Variants in RALGPS1 observed in about 807,000 individuals in gnomAD.
RALGPS1 encodes Ral GEF with PH domain and SH3 binding motif 1.
RALGPS1 carries 19 observed loss-of-function variants against 78.8 expected under a neutral mutation model. The observed-to-expected ratio is 0.24, with a 90% CI of 0.17 to 0.35. The LOEUF is 0.35. Ranked by LOEUF, RALGPS1 falls within the 10% of genes least tolerant of loss-of-function variation. The probability of loss-of-function intolerance (pLI) is 1.00; values close to 1 mark genes in which losing one functional copy is unlikely to be tolerated. For synonymous variants in RALGPS1, 228 were observed against 256.3 expected, an observed-to-expected ratio of 0.89 and a Z score of 1.06; for missense variants, 454 against 688.3, an observed-to-expected ratio of 0.66 and a Z score of 3.81.
At chr9:127,049,873 G>T (rs764912492) in intron 5 of RALGPS1, among the ~76,000 whole-genome samples, 170 bp from the exon 6 acceptor site, 5 of 152,156 alleles carry the variant, frequency 3.3e-5, no homozygotes, top group Non-Finnish European at 7.3e-5. Flanking sequence ...TTGCAGGGTT[G>T]GGTGCTGTAG....
At chr9:127,050,670 GAATC>G (rs1278875732) in intron 6 of RALGPS1, among the ~76,000 whole-genome samples, 1 of 152,002 alleles carries the variant, frequency 6.6e-6, no homozygotes, top group East Asian at 1.9e-4. Context: ...TCCTTGTTGG[GAATC>G]ACCTTTTCCC....
intron 8 of RALGPS1, chr9:127,093,777 G>A (rs1401857481): frequency 8.1e-6 from 13 of 1,614,104 alleles, no homozygotes; most frequent in Non-Finnish European, 1.1e-5. Context: ...GAGCCATCCA[G>A]GCGTCTCTGG....
chr9:127,160,415 C>T (rs1442675733), intron 8 of RALGPS1, among the ~76,000 whole-genome samples: 1 of 152,190 alleles, frequency 6.6e-6, no homozygotes, highest in African/African-American at 2.4e-5. Context: ...GAGGTGAGAG[C>T]TGCCCACTCT....
chr9:126,944,345 T>C (rs561822563), intron 1 of RALGPS1, among the ~76,000 whole-genome samples: 4 of 152,330 alleles, frequency 2.6e-5, no homozygotes, highest in Admixed American at 2.6e-4. Flanking sequence ...AGACCAGTAA[T>C]GCCTCTGCCT....
intron 14 of RALGPS1, chr9:127,210,646 A>G (rs1278534611): frequency 7.1e-6 from 10 of 1,409,664 alleles, no homozygotes; most frequent in Non-Finnish European, 9.8e-6. Flanking sequence ...CTTCAGGAGC[A>G]TCTGGTCTTT....
intron 8 of RALGPS1, among the ~76,000 whole-genome samples, chr9:127,114,218 T>C (rs191302569): frequency 4.7e-4 from 71 of 152,288 alleles, no homozygotes; most frequent in Admixed American, 9.1e-4. Flanking sequence ...AGTCTTTATG[T>C]TTTTTATATT....
chr9:127,218,946 A>C lies in RALGPS1; in HGVS notation c.*177A>C. The C allele has an allele frequency of 1.4e-6, 1 of 700,492 alleles. No individual in the cohort carries two copies. The highest frequency in any genetic ancestry group is 2.5e-6 in the Non-Finnish European group (1 of 398,842). The allele number at this position is 700,492 out of a possible 1,614,324, so 43.4% of individuals were successfully genotyped here. A position where few individuals can be genotyped will look rare whatever the true frequency, so the allele number is the denominator to read the frequency against. Reference sequence around the variant, plus strand: ...AGAGGGCTTCACCAGTGTGGGATCCACCTGTCAGTCCCCAGCGACTCTCAT... The same window carrying C: ...AGAGGGCTTCACCAGTGTGGGATCCCCCTGTCAGTCCCCAGCGACTCTCAT... On this transcript the variant is annotated 3_prime_UTR_variant, in exon 19 of 19. Coordinates refer to ENST00000259351, the MANE Select transcript of RALGPS1 (RefSeq NM_014636.3). The surrounding 1 kb of genome is among the most constrained non-coding windows in gnomAD (Gnocchi z 4.4).
intron 5 of RALGPS1, among the ~76,000 whole-genome samples, chr9:127,037,536 A>G (rs922760790): frequency 1.3e-5 from 2 of 152,256 alleles, no homozygotes; most frequent in African/African-American, 4.8e-5. Context: ...AACTAAATCT[A>G]GGGAGATACT....
chr9:127,215,357 C>G (rs1334604413), intron 18 of RALGPS1, among the ~76,000 whole-genome samples: 3 of 152,248 alleles, frequency 2.0e-5, no homozygotes, highest in Non-Finnish European at 4.4e-5. Flanking sequence ...GACATAGGCC[C>G]TCTCTGGCCT....
intron 6 of RALGPS1, among the ~76,000 whole-genome samples, chr9:127,052,151 C>G (rs952767688): frequency 6.6e-6 from 1 of 152,190 alleles, no homozygotes; most frequent in Non-Finnish European, 1.5e-5. Flanking sequence ...TCTTTTGATT[C>G]CATAGAGCGT....
intron 4 of RALGPS1, among the ~76,000 whole-genome samples, chr9:127,011,898 T>C (rs2044379684): frequency 1.3e-5 from 2 of 152,308 alleles, no homozygotes; most frequent in Admixed American, 1.3e-4. Context: ...CAGGTCAGCA[T>C]GGGGCAGGAA....
intron 8 of RALGPS1, among the ~76,000 whole-genome samples, chr9:127,072,153 A>G (rs1477856771): frequency 1.3e-5 from 2 of 152,252 alleles, no homozygotes; most frequent in African/African-American, 2.4e-5. Flanking sequence ...GAGCATGAGT[A>G]GTACTTCATT....
At chr9:127,065,352 T>A (rs1392295855) in intron 7 of RALGPS1, among the ~76,000 whole-genome samples, 1 of 152,166 alleles carries the variant, frequency 6.6e-6, no homozygotes, top group Non-Finnish European at 1.5e-5. Flanking sequence ...GACCTCATGA[T>A]CTGCCCACCT....
intron 5 of RALGPS1, 134 bp downstream of exon 5, chr9:127,034,648 C>A (rs1012568234): frequency 2.7e-6 from 2 of 727,572 alleles, no homozygotes; most frequent in Non-Finnish European, 5.0e-6. Flanking sequence ...ATGAGTCCCC[C>A]ACCTTTATCC....
chr9:126,959,510 G>A (rs189823790), intron 1 of RALGPS1, among the ~76,000 whole-genome samples: 3 of 151,984 alleles, frequency 2.0e-5, no homozygotes, highest in East Asian at 3.9e-4. Context: ...TTCTCAGCCC[G>A]TCTCCTCTCC....
intron 1 of RALGPS1, among the ~76,000 whole-genome samples, chr9:126,917,790 A>C (rs936923002): frequency 2.6e-5 from 4 of 152,158 alleles, no homozygotes; most frequent in African/African-American, 9.7e-5. Context: ...TGAGGCCTCT[A>C]TTTTTTATGT....
At chr9:127,173,679 G>T (rs1445691448) in intron 10 of RALGPS1, among the ~76,000 whole-genome samples, 1 of 152,144 alleles carries the variant, frequency 6.6e-6, no homozygotes, top group African/African-American at 2.4e-5. Flanking sequence ...GCCTCTCTAA[G>T]GGCATCTGAT....
chr9:127,184,401 A>G, intron 11 of RALGPS1: 6 of 290,380 alleles, frequency 2.1e-5, no homozygotes, highest in Non-Finnish European at 4.0e-5. Flanking sequence ...AGAACTCGTG[A>G]GAGCTGCATG....
chr9:126,969,943 G>A (rs540513510), intron 3 of RALGPS1, among the ~76,000 whole-genome samples: 17 of 152,292 alleles, frequency 1.1e-4, no homozygotes, highest in Admixed American at 3.3e-4. Flanking sequence ...GGTCTCTGGA[G>A]TCTTTGGCCT....
Sources: allele counts gnomAD v4.1 joint callset (sites outside exome capture counted in the v4.1 genomes callset), GRCh38; gene constraint gnomAD v4.1.1; non-coding constraint Gnocchi (gnomAD v3.1); transcripts MANE v1.5; gene names NCBI Gene and HGNC (gene_info 2026-07-23, HGNC 2026-07-21).